The following MYO16 variants were observed in gnomAD, a reference collection of about 807,000 sequenced individuals.
MYO16 encodes unconventional myosin-XVI.
Under a neutral mutation model 205.3 loss-of-function variants are expected in MYO16, and 94 were observed. The observed-to-expected ratio is 0.46, with a 90% confidence interval of 0.39 to 0.54. The LOEUF (loss-of-function observed/expected upper bound fraction) is 0.54, where lower values mean the gene tolerates loss of function less well. MYO16 is among the 20% of genes least tolerant of loss of function. The pLI is 0.00. For missense variants in MYO16, 2,315 were observed against 2,387.5 expected, an observed-to-expected ratio of 0.97 and a Z score of 0.63; for synonymous variants, 988 against 954.0, an observed-to-expected ratio of 1.04 and a Z score of -0.66.
At chr13:108,701,521 T>C (rs1883306153) in intron 2 of MYO16, among the ~76,000 whole-genome samples, 1 of 152,174 alleles carries the variant, frequency 6.6e-6, no homozygotes, top group African/African-American at 2.4e-5. Flanking sequence ...GCTGGCCCCT[T>C]GATTTTGGAC....
At chr13:108,787,666 CAA>C (rs1241412008) in intron 5 of MYO16, among the ~76,000 whole-genome samples, 1 of 149,122 alleles carries the variant, frequency 6.7e-6, no homozygotes. Context: ...CAAAACAAAA[CAA>C]GAGGAAAGTA....
intron 10 of MYO16, among the ~76,000 whole-genome samples, chr13:108,853,990 TTTTG>T (rs1256259651): frequency 6.0e-5 from 2 of 33,090 alleles, no homozygotes; most frequent in Non-Finnish European, 1.8e-4. Context: ...GTGTGTGTAT[TTTTG>T]TTTGTTTGTT....
intron 34 of MYO16, among the ~76,000 whole-genome samples, chr13:109,184,223 A>T (rs577407068): frequency 6.6e-6 from 1 of 152,112 alleles, no homozygotes; most frequent in African/African-American, 2.4e-5. Context: ...ATGAGCTACA[A>T]AGAGAAGGAG....
At chr13:109,189,905 C>T (rs1248606839) in intron 34 of MYO16, among the ~76,000 whole-genome samples, 3 of 147,018 alleles carry the variant, frequency 2.0e-5, no homozygotes, top group Admixed American at 1.4e-4. Context: ...TTCCCTACCA[C>T]GATTTGTGTT....
At chr13:108,560,110 C>A in the MYO16 span, among the ~76,000 whole-genome samples, 1 of 152,070 alleles carries the variant, frequency 6.6e-6, no homozygotes, top group Non-Finnish European at 1.5e-5. Context: ...AAGAATTAAC[C>A]AGAGATTTTC....
intron 12 of MYO16, among the ~76,000 whole-genome samples, chr13:108,872,621 G>A (rs1267778194): frequency 6.6e-6 from 1 of 151,054 alleles, no homozygotes; most frequent in Non-Finnish European, 1.5e-5. Context: ...TATAATTTAT[G>A]TAATTATATA....
At position 109,173,202 on chromosome 13, in the gene MYO16, C is replaced by T. The variant is rs186023634; in HGVS notation, c.5324-6340C>T. ...TGTCACATGTAGGCATTGTGTTATG[C>T]ATGGGAGCCCTATGCTACTACCTAA... On this transcript the variant is annotated intron_variant, in intron 33 of 34. Transcript: ENST00000457511. Among the ~76,000 whole-genome samples the T allele has an allele frequency of 2.0e-3, 303 of 152,316 alleles. 1 individual carries two copies. The highest frequency in any genetic ancestry group is 7.0e-3 in the African/African-American group (291 of 41,572).
At chr13:108,670,447 A>G (rs553863326) in intron 2 of MYO16, among the ~76,000 whole-genome samples, 2 of 152,300 alleles carry the variant, frequency 1.3e-5, no homozygotes, top group South Asian at 2.1e-4. Context: ...ATGTGGTATG[A>G]ACCTGTGGTT....
chr13:109,015,304 G>C (rs1043650602), intron 22 of MYO16, among the ~76,000 whole-genome samples: 1 of 152,178 alleles, frequency 6.6e-6, no homozygotes, highest in African/African-American at 2.4e-5. Context: ...GCATCCCAGG[G>C]ATGAAGCCCA....
At chr13:109,152,820 A>G (rs1434609686) in intron 32 of MYO16, among the ~76,000 whole-genome samples, 1 of 152,224 alleles carries the variant, frequency 6.6e-6, no homozygotes, top group African/African-American at 2.4e-5. Flanking sequence ...TAGCAGTAGT[A>G]TTTCCTATTA....
chr13:108,672,545 G>C (rs1417917723), intron 2 of MYO16, among the ~76,000 whole-genome samples: 3 of 151,898 alleles, frequency 2.0e-5, no homozygotes, highest in Non-Finnish European at 4.4e-5. Flanking sequence ...CTTTATAAAT[G>C]TATTTTTTTG....
chr13:108,935,965 T>C (rs891886198), intron 16 of MYO16, among the ~76,000 whole-genome samples: 1 of 152,096 alleles, frequency 6.6e-6, no homozygotes, highest in African/African-American at 2.4e-5. Flanking sequence ...CAAATTTTCA[T>C]CCCAGGAATG....
intron 27 of MYO16, among the ~76,000 whole-genome samples, chr13:109,093,046 ATACGTGAATGTATGGAAGCGTGT>A (rs1377267426): frequency 6.6e-6 from 1 of 152,208 alleles, no homozygotes; most frequent in African/African-American, 2.4e-5. Flanking sequence ...TATAGTCACA[ATACGTGAATGTATGGAAGCGTGT>A]TTTTATGCTT....
chr13:109,161,686 G>C (rs1878393983), intron 32 of MYO16, among the ~76,000 whole-genome samples: 1 of 152,066 alleles, frequency 6.6e-6, no homozygotes, highest in Non-Finnish European at 1.5e-5. Flanking sequence ...GGCTTAAGTA[G>C]ATAAATGTTT....
chr13:108,806,752 T>C lies in MYO16; in HGVS notation c.815T>C (p.Ile272Thr). The change falls in exon 7 of 35, where the codon ATA becomes ACA. Residue 272 changes from isoleucine (I) to threonine (T), a missense_variant. Transcript: ENST00000457511. ...CTGGAACATGGTGGAGACCTCAACA[T>C]AGTAGATGATCAGTACTGGACTCCC... The part of the protein sequence containing the change: ...LILEHGGDLN[I>T]VDDQYWTPLH... 6.2e-7 allele frequency: 1 copy of C among 1,613,236 alleles called. No individual in the cohort carries two copies. The highest frequency in any genetic ancestry group is 8.5e-7 in the Non-Finnish European group (1 of 1,179,290).
At chr13:109,200,315 G>C (rs1880348241) in intron 34 of MYO16, among the ~76,000 whole-genome samples, 1 of 152,078 alleles carries the variant, frequency 6.6e-6, no homozygotes, top group Admixed American at 6.6e-5. Flanking sequence ...TATATACCTA[G>C]TAGATTTTAC....
intron 4 of MYO16, among the ~76,000 whole-genome samples, chr13:108,761,070 T>A (rs1367708): frequency 0.55 from 83,815 of 152,108 alleles, 23,318 homozygotes; most frequent in East Asian, 0.63. Flanking sequence ...CACACACACC[T>A]TTTTTTGCCG....
At chr13:108,608,459 G>A (rs535977220) in intron 1 of MYO16, among the ~76,000 whole-genome samples, 275 of 152,088 alleles carry the variant, frequency 1.8e-3, no homozygotes, top group African/African-American at 5.3e-3. Context: ...ACCCTTCCTT[G>A]CACCCCACAG....
chr13:109,003,814 G>C (rs1885301908), intron 21 of MYO16, among the ~76,000 whole-genome samples: 1 of 152,150 alleles, frequency 6.6e-6, no homozygotes, highest in Admixed American at 6.5e-5. Flanking sequence ...GGCAGTCAAG[G>C]CCAGGAGGAT....
Sources: gnomAD v4.1 joint callset for allele counts (sites outside exome capture counted in the v4.1 genomes callset) on GRCh38, gnomAD v4.1.1 for gene constraint, MANE v1.5 for transcripts, NCBI Gene and HGNC (gene_info 2026-07-23, HGNC 2026-07-21) for gene names.